NMU: variants seen among roughly 807,000 people sequenced by gnomAD.
NMU encodes the protein neuromedin-U.
A neutral mutation model predicts 35.4 loss-of-function variants in NMU; 29 were observed. The observed-to-expected ratio is 0.82, with a 90% CI of 0.61 to 1.12. The LOEUF (loss-of-function observed/expected upper bound fraction) is 1.12, where lower values mean the gene tolerates loss of function less well. Among genes scored for constraint, NMU ranks in the 50% most tolerant of loss-of-function variants. The probability of loss-of-function intolerance (pLI) is 0.00; values close to 1 mark genes in which losing one functional copy is unlikely to be tolerated. For missense variants in NMU, 199 were observed against 206.2 expected (o/e 0.97, Z 0.21); for synonymous variants, 78 against 81.3 (o/e 0.96, Z 0.22).
At chr4:55,598,088 G>GTTT (rs1560510499) in intron 9 of NMU, among the ~76,000 whole-genome samples, 11 of 89,004 alleles carry the variant, frequency 1.2e-4, no homozygotes, top group African/African-American at 5.2e-4. Flanking sequence ...TTTTGGTTGT[G>GTTT]GTTTTTTTTT....
Position 55,605,198 on chromosome 4 carries a change from C to A in NMU, c.435+77G>T, listed in dbSNP as rs556958368. On this transcript the variant is annotated intron_variant, in intron 7 of 9. Transcript: ENST00000264218. ...ATCCTGAAGAGCAGCATTTGATGAA[C>A]TACCACAGCTGGGAATTAACAGAAA... 5.2e-6 allele frequency: 5 copies of A among 959,000 alleles called. No homozygotes were observed. The Admixed American group carries it at 8.5e-5, about 16-fold the overall frequency. The allele number at this position is 959,000 out of a possible 1,614,324, so 59.4% of individuals were successfully genotyped here.
intron 1 of NMU, among the ~76,000 whole-genome samples, chr4:55,635,261 A>T (rs190830834): frequency 2.2e-4 from 33 of 152,192 alleles, no homozygotes; most frequent in South Asian, 1.5e-3. Context: ...AGAAAATGAT[A>T]TCTCCCCTGG....
intron 7 of NMU, among the ~76,000 whole-genome samples, chr4:55,604,777 C>T (rs1355816896): frequency 6.3e-5 from 9 of 143,120 alleles, no homozygotes; most frequent in African/African-American, 2.1e-4. Context: ...AAGGGATCCA[C>T]CCACCTGGGC....
At chr4:55,615,193 A>G (rs1734067718) in intron 3 of NMU, among the ~76,000 whole-genome samples, 1 of 152,230 alleles carries the variant, frequency 6.6e-6, no homozygotes, top group African/African-American at 2.4e-5. Context: ...CAGAGGAGCT[A>G]GATTAGCACT....
At chr4:55,610,767 TGTCA>T (rs1160691295) in intron 3 of NMU, among the ~76,000 whole-genome samples, 2 of 152,224 alleles carry the variant, frequency 1.3e-5, no homozygotes, top group African/African-American at 2.4e-5. Context: ...CATAAGGGCA[TGTCA>T]GTCAATGAGT....
intron 9 of NMU, among the ~76,000 whole-genome samples, chr4:55,598,655 T>C (rs1481827150): frequency 1.3e-5 from 2 of 152,202 alleles, no homozygotes; most frequent in Non-Finnish European, 2.9e-5. Context: ...CTTTCCACAT[T>C]TTAAAATATT....
intron 7 of NMU, among the ~76,000 whole-genome samples, chr4:55,602,219 A>G (rs1733457545): frequency 1.3e-5 from 2 of 152,220 alleles, no homozygotes; most frequent in Admixed American, 1.3e-4. Flanking sequence ...ATATTGAAAG[A>G]TGTCTAGCAA....
intron 2 of NMU, among the ~76,000 whole-genome samples, chr4:55,619,888 C>A (rs1281941969): frequency 3.1e-5 from 4 of 127,948 alleles, no homozygotes; most frequent in South Asian, 6.8e-4. Flanking sequence ...CTGGGAGGCA[C>A]CCCCCAGCAG....
At chr4:55,595,542 G>GTATATATATATATATA (rs35083424) in intron 9 of NMU, 131 bp from the exon 10 acceptor site, 1 of 107,986 alleles carries the variant, frequency 9.3e-6, no homozygotes, top group Non-Finnish European at 1.8e-5. Context: ...TTTCCCAGCT[G>GTATATATATATATATA]TATATATATA....
intron 3 of NMU, among the ~76,000 whole-genome samples, chr4:55,614,249 A>G (rs1382423671): frequency 1.2e-4 from 19 of 152,094 alleles, no homozygotes; most frequent in Admixed American, 1.0e-3. Context: ...CCACATAACC[A>G]TTATCATTTA....
At chr4:55,599,074 C>A in intron 9 of NMU, 68 bp downstream of exon 9, 1 of 1,047,348 alleles carries the variant, frequency 9.5e-7, no homozygotes, top group South Asian at 1.4e-5. Flanking sequence ...CAGCAAATGT[C>A]AAACTGTGTT....
chr4:55,629,679 A>G (rs2110212295), intron 2 of NMU, among the ~76,000 whole-genome samples: 1 of 151,174 alleles, frequency 6.6e-6, no homozygotes, highest in Non-Finnish European at 1.5e-5. Flanking sequence ...CAGCCTCCCA[A>G]GTAGTGAAAA....
chr4:55,609,914 A>T (rs1270943645), intron 3 of NMU, among the ~76,000 whole-genome samples: 1 of 152,234 alleles, frequency 6.6e-6, no homozygotes, highest in Non-Finnish European at 1.5e-5. Context: ...CTAGAACAGT[A>T]GGGAGGGCAA....
intron 4 of NMU, 97 bp downstream of exon 4, chr4:55,609,023 G>T: frequency 3.1e-6 from 3 of 970,338 alleles, no homozygotes; most frequent in Non-Finnish European, 3.4e-6. Context: ...ACCTGTCTTG[G>T]CATGCTTCCT....
intron 2 of NMU, among the ~76,000 whole-genome samples, chr4:55,626,706 T>TCAAAAA (rs369889728): frequency 1.2e-4 from 18 of 152,284 alleles, no homozygotes; most frequent in African/African-American, 4.1e-4. Context: ...AGACCCTGTC[T>TCAAAAA]CAAAAACAAA....
At chr4:55,628,367 T>C (rs1232665417) in intron 2 of NMU, among the ~76,000 whole-genome samples, 1 of 152,192 alleles carries the variant, frequency 6.6e-6, no homozygotes, top group Non-Finnish European at 1.5e-5. Context: ...CTTGTTTTTT[T>C]GACTTCCCCC....
intron 1 of NMU, among the ~76,000 whole-genome samples, chr4:55,632,196 T>A (rs1306178428): frequency 6.6e-6 from 1 of 152,090 alleles, no homozygotes; most frequent in Non-Finnish European, 1.5e-5. Flanking sequence ...GACTACATAT[T>A]GGGTACAGTG....
At position 55,604,679 on chromosome 4, in the gene NMU, A is replaced by ATTTTTTTTTTTT. The variant is rs767568542; in HGVS notation, c.435+584_435+595dup. Among the ~76,000 whole-genome samples the ATTTTTTTTTTTT allele has an allele frequency of 4.2e-3, 200 of 47,608 alleles. 12 individuals carry two copies. The highest frequency in any genetic ancestry group is 9.0e-3 in the African/African-American group (77 of 8,582). The allele number at this position is 47,608 out of a possible 152,430, so 31.2% of individuals were successfully genotyped here. A position where few individuals can be genotyped will look rare whatever the true frequency, so the allele number is the denominator to read the frequency against. Reference sequence around the variant, plus strand: ...AGGCATGCGCCAATATGCCTGGCTAATTTTTTTTTTTTTTTTTTTTTTTTT... The same window carrying ATTTTTTTTTTTT: ...AGGCATGCGCCAATATGCCTGGCTAATTTTTTTTTTTTTTTTTTTTTTTTTTTTTTTTTTTTT... On this transcript the variant is annotated intron_variant, in intron 7 of 9. Transcript: ENST00000264218.
At chr4:55,629,789 A>G (rs1428370685) in intron 2 of NMU, among the ~76,000 whole-genome samples, 2 of 152,156 alleles carry the variant, frequency 1.3e-5, no homozygotes, top group Non-Finnish European at 2.9e-5. Context: ...AGACAGGTGT[A>G]TTAAACTCTC....
Sources: gnomAD v4.1 joint callset for allele counts (sites outside exome capture counted in the v4.1 genomes callset) on GRCh38, gnomAD v4.1.1 for gene constraint, MANE v1.5 for transcripts, NCBI Gene and HGNC (gene_info 2026-07-23, HGNC 2026-07-21) for gene names.